CAMK1D: variants seen among roughly 807,000 people sequenced by gnomAD.
The protein encoded by CAMK1D is calcium/calmodulin dependent protein kinase ID, also known as calcium/calmodulin-dependent protein kinase type 1D.
Under a neutral mutation model 47.7 loss-of-function variants are expected in CAMK1D, and 9 were observed. The ratio of observed to expected loss-of-function variants is 0.19; its 90% CI spans 0.11 to 0.33. CAMK1D has a LOEUF of 0.33. Among genes scored for constraint, CAMK1D ranks in the 10% least tolerant of loss-of-function variants. The probability of loss-of-function intolerance (pLI) is 1.00; values close to 1 mark genes in which losing one functional copy is unlikely to be tolerated. For synonymous variants in CAMK1D, 184 were observed against 184.9 expected (o/e 0.99, Z 0.04); for missense variants, 291 against 488.7 (o/e 0.60, Z 3.81).
At chr10:12,774,364 G>A (rs929611427) in intron 5 of CAMK1D, among the ~76,000 whole-genome samples, 4 of 152,080 alleles carry the variant, frequency 2.6e-5, no homozygotes, top group African/African-American at 7.2e-5. Context: ...GACCATGCAG[G>A]TATCTGGAGG....
chr10:12,821,349 C>T (rs905446207), intron 8 of CAMK1D, among the ~76,000 whole-genome samples: 3 of 152,166 alleles, frequency 2.0e-5, no homozygotes, highest in Non-Finnish European at 4.4e-5. Context: ...AGCCAAGTAG[C>T]CAAGTTCACA....
At chr10:12,779,163 A>T (rs748856386) in intron 5 of CAMK1D, among the ~76,000 whole-genome samples, 1 of 152,188 alleles carries the variant, frequency 6.6e-6, no homozygotes, top group African/African-American at 2.4e-5. Flanking sequence ...TCAGGATACC[A>T]TGGTGGCTCT....
chr10:12,616,149 C>A (rs778637236), intron 2 of CAMK1D, among the ~76,000 whole-genome samples: 1 of 151,760 alleles, frequency 6.6e-6, no homozygotes. Context: ...TATAAATGTA[C>A]GTGTGTGAAT....
intron 3 of CAMK1D, among the ~76,000 whole-genome samples, chr10:12,684,708 A>G (rs1318047064): frequency 1.3e-5 from 2 of 152,230 alleles, no homozygotes; most frequent in Non-Finnish European, 2.9e-5. Context: ...TATATATTAT[A>G]CATCCCTATT....
intron 1 of CAMK1D, among the ~76,000 whole-genome samples, chr10:12,384,268 T>C (rs60283658): frequency 0.16 from 24,357 of 152,174 alleles, 2,394 homozygotes; most frequent in East Asian, 0.33. Flanking sequence ...GTTGTGGAGA[T>C]AGCAAAACTC....
intron 2 of CAMK1D, among the ~76,000 whole-genome samples, chr10:12,656,108 G>T (rs1013158426): frequency 2.6e-5 from 4 of 152,192 alleles, no homozygotes; most frequent in Non-Finnish European, 5.9e-5. Flanking sequence ...CCCAGGAAGG[G>T]GATGTGACCA....
chr10:12,477,768 C>T lies in CAMK1D; in HGVS notation c.93-75457C>T, dbSNP rs545614715. Among the ~76,000 whole-genome samples, 16 of 152,168 alleles carry T rather than the reference C, an allele frequency of 1.1e-4. No homozygotes were observed. In the South Asian group the frequency reaches 2.9e-3, roughly 28 times the overall value. ...AAGGCGGAGGGAGTGCTCACCTGTG[C>T]GATGCCAGAGGGGAAAGGTGATTGA... is the stretch of plus-strand genomic sequence containing the variant. On this transcript the variant is annotated intron_variant, in intron 1 of 10. Transcript: ENST00000619168.
At chr10:12,695,049 T>TAGAC (rs1177797490) in intron 3 of CAMK1D, among the ~76,000 whole-genome samples, 1 of 121,984 alleles carries the variant, frequency 8.2e-6, no homozygotes, top group African/African-American at 2.9e-5. Flanking sequence ...GATAGATAGA[T>TAGAC]AGATAGATAG....
Position 12,830,816 on chromosome 10 carries a change from C to G in CAMK1D, c.*1929C>G, listed in dbSNP as rs1029617925. 1 of 142,658 alleles carries G rather than the reference C, an allele frequency of 7.0e-6. No individual in the cohort carries two copies. The highest frequency in any genetic ancestry group is 1.5e-5 in the Non-Finnish European group (1 of 65,424). The allele number at this position is 142,658 out of a possible 1,614,324, so 8.8% of individuals were successfully genotyped here. On this transcript the variant is annotated 3_prime_UTR_variant, in exon 11 of 11. Coordinates refer to ENST00000619168, the MANE Select transcript of CAMK1D (RefSeq NM_153498.4). Reference sequence around the variant, plus strand: ...GGCTGTGTCCTCATGCCCTCTTCCTCTGGCTGGCCAGTCATGGGAAGTCCT... The same window carrying G: ...GGCTGTGTCCTCATGCCCTCTTCCTGTGGCTGGCCAGTCATGGGAAGTCCT...
At chr10:12,827,333 CT>C (rs1417915480) in intron 10 of CAMK1D, among the ~76,000 whole-genome samples, 7 of 13,234 alleles carry the variant, frequency 5.3e-4, no homozygotes, top group Non-Finnish European at 9.2e-4. Flanking sequence ...TCTCTCTCTT[CT>C]CTTCCTTCCT....
chr10:12,475,491 G>A (rs1257573583), intron 1 of CAMK1D, among the ~76,000 whole-genome samples: 1 of 152,188 alleles, frequency 6.6e-6, no homozygotes, highest in African/African-American at 2.4e-5. Context: ...ATATTCCACT[G>A]TCTGGCTGTA....
intron 1 of CAMK1D, among the ~76,000 whole-genome samples, chr10:12,393,621 T>C (rs930418279): frequency 6.6e-6 from 1 of 152,228 alleles, no homozygotes; most frequent in Non-Finnish European, 1.5e-5. Context: ...CCCTGTATCC[T>C]GTAAGCAGAG....
chr10:12,481,393 C>T (rs1358027927), intron 1 of CAMK1D, among the ~76,000 whole-genome samples: 1 of 152,222 alleles, frequency 6.6e-6, no homozygotes, highest in African/African-American at 2.4e-5. Context: ...CAATCAGCAG[C>T]ACCCATTCCC....
At position 12,518,562 on chromosome 10, in the gene CAMK1D, A is replaced by G. The variant is rs373046377; in HGVS notation, c.93-34663A>G. On this transcript the variant is annotated intron_variant, in intron 1 of 10. Transcript: ENST00000619168. ...GGGGATTTGGCAGGGTCACAGGACA[A>G]TAGTGGAGGGAAGGTCAGCAGATAA... is the stretch of plus-strand genomic sequence containing the variant. Among the ~76,000 whole-genome samples, 10 of 38,360 alleles carry G rather than the reference A, an allele frequency of 2.6e-4. 1 individual carries two copies. The East Asian group carries it at 5.8e-3, about 22-fold the overall frequency. 25.2% of individuals were successfully genotyped at this position (38,360 alleles called of 152,430 possible).
chr10:12,756,229 A>G (rs891891945), intron 3 of CAMK1D, among the ~76,000 whole-genome samples: 2 of 152,208 alleles, frequency 1.3e-5, no homozygotes, highest in Non-Finnish European at 2.9e-5. Flanking sequence ...TGTGTGGTTG[A>G]TATTGTTCAA....
chr10:12,790,292 G>T (rs979249982), intron 5 of CAMK1D, among the ~76,000 whole-genome samples: 3 of 152,224 alleles, frequency 2.0e-5, no homozygotes, highest in Admixed American at 1.3e-4. Context: ...GGAATTAGGG[G>T]CAGGCCTGAA....
intron 1 of CAMK1D, among the ~76,000 whole-genome samples, chr10:12,378,418 A>ATTT (rs71384317): frequency 7.0e-6 from 1 of 142,790 alleles, no homozygotes; most frequent in Admixed American, 7.0e-5. Flanking sequence ...GCAAACTTAA[A>ATTT]TTTTTTTTTT....
chr10:12,654,397 C>T (rs1840062672), intron 2 of CAMK1D, among the ~76,000 whole-genome samples: 1 of 152,134 alleles, frequency 6.6e-6, no homozygotes, highest in Admixed American at 6.6e-5. Context: ...GGGTAAACAC[C>T]TTAATGTTTT....
intron 3 of CAMK1D, among the ~76,000 whole-genome samples, chr10:12,718,137 G>A (rs1338594960): frequency 2.0e-5 from 3 of 152,028 alleles, no homozygotes; most frequent in African/African-American, 7.2e-5. Flanking sequence ...TCCAAAGCTC[G>A]TCAAACCCGT....
Sources: allele counts gnomAD v4.1 joint callset (sites outside exome capture counted in the v4.1 genomes callset), GRCh38; gene constraint gnomAD v4.1.1; transcripts MANE v1.5; gene names NCBI Gene and HGNC (gene_info 2026-07-23, HGNC 2026-07-21).